SMYD3: variants seen among roughly 807,000 people sequenced by gnomAD.
SMYD3 encodes the protein histone-lysine N-methyltransferase SMYD3.
Under a neutral mutation model 57.7 loss-of-function variants are expected in SMYD3, and 36 were observed. The ratio of observed to expected loss-of-function variants is 0.62; its 90% confidence interval spans 0.48 to 0.82. The LOEUF (loss-of-function observed/expected upper bound fraction) is 0.82, where lower values mean the gene tolerates loss of function less well. SMYD3 is among the 40% of genes least tolerant of loss of function. The probability of loss-of-function intolerance (pLI) is 0.00; values close to 1 mark genes in which losing one functional copy is unlikely to be tolerated. For missense variants in SMYD3, 515 were observed against 538.8 expected (o/e 0.96, Z 0.44); for synonymous variants, 211 against 195.0 (o/e 1.08, Z -0.68).
intron 5 of SMYD3, chr1:245,947,505 T>C: frequency 6.7e-6 from 3 of 446,746 alleles, no homozygotes; most frequent in East Asian, 7.1e-5. Flanking sequence ...AGTTGCTTTA[T>C]GTGGGGTAAA....
At chr1:246,095,100 C>T (rs545778673) in intron 5 of SMYD3, among the ~76,000 whole-genome samples, 4 of 152,286 alleles carry the variant, frequency 2.6e-5, no homozygotes, top group South Asian at 2.1e-4. Flanking sequence ...TCCAAAGCCC[C>T]GTGCACATAT....
At chr1:246,145,333 C>G (rs758715186) in intron 5 of SMYD3, among the ~76,000 whole-genome samples, 1 of 152,092 alleles carries the variant, frequency 6.6e-6, no homozygotes, top group South Asian at 2.1e-4. Flanking sequence ...GTGTCAGCAG[C>G]GAATAGCTCA....
At chr1:246,167,823 T>C (rs887516487) in intron 5 of SMYD3, among the ~76,000 whole-genome samples, 7 of 152,236 alleles carry the variant, frequency 4.6e-5, no homozygotes, top group African/African-American at 1.7e-4. Flanking sequence ...ATTGTGGTTT[T>C]GATTTGCATT....
At chr1:246,186,601 TTTC>T (rs1330125057) in intron 5 of SMYD3, 1 of 259,948 alleles carries the variant, frequency 3.8e-6, no homozygotes. Context: ...AATTGCTAAC[TTTC>T]TGAAAGCCCT....
chr1:245,836,550 G>A (rs1277265163), intron 10 of SMYD3, among the ~76,000 whole-genome samples: 1 of 152,158 alleles, frequency 6.6e-6, no homozygotes, highest in Non-Finnish European at 1.5e-5. Context: ...TGTTCCATCC[G>A]CTGCTGGGCA....
At chr1:246,339,691 T>C (rs1558410754) in intron 2 of SMYD3, among the ~76,000 whole-genome samples, 1 of 152,184 alleles carries the variant, frequency 6.6e-6, no homozygotes, top group Non-Finnish European at 1.5e-5. Flanking sequence ...ACCTCAAAGT[T>C]CATGTGCTGG....
Position 246,219,324 on chromosome 1 carries a change from G to A in SMYD3, c.531+107877C>T, listed in dbSNP as rs1318754182. Among the ~76,000 whole-genome samples, 3 of 152,228 alleles carry A rather than the reference G, an allele frequency of 2.0e-5. No homozygotes were observed. The East Asian group carries it at 5.8e-4, about 29-fold the overall frequency. Reference sequence around the variant, plus strand: ...CATCAAAGACTGCAGCTGGATGTCGGAGAGAAGCAGCTTGACTTCAGAGGG... The same window carrying A: ...CATCAAAGACTGCAGCTGGATGTCGAAGAGAAGCAGCTTGACTTCAGAGGG... On this transcript the variant is annotated intron_variant, in intron 5 of 11. Coordinates refer to ENST00000490107, the MANE Select transcript of SMYD3 (RefSeq NM_001167740.2).
intron 5 of SMYD3, among the ~76,000 whole-genome samples, chr1:246,266,781 C>T (rs951214951): frequency 1.4e-5 from 2 of 147,054 alleles, no homozygotes; most frequent in Non-Finnish European, 3.0e-5. Context: ...GAAAGAAAGA[C>T]AGAAAGAAAG....
At chr1:245,991,594 A>G (rs1268405898) in intron 5 of SMYD3, among the ~76,000 whole-genome samples, 4 of 152,024 alleles carry the variant, frequency 2.6e-5, no homozygotes, top group Admixed American at 2.0e-4. Flanking sequence ...TTGCTGGGGA[A>G]CCTCAGTCAC....
chr1:246,297,492 T>TA (rs1241908240), intron 5 of SMYD3, among the ~76,000 whole-genome samples: 4 of 152,132 alleles, frequency 2.6e-5, no homozygotes, highest in African/African-American at 9.7e-5. Context: ...TCTTATATTC[T>TA]AAGATCAAGA....
chr1:246,465,562 G>A (rs777303608), intron 1 of SMYD3, among the ~76,000 whole-genome samples: 30 of 152,118 alleles, frequency 2.0e-4, no homozygotes, highest in Non-Finnish European at 4.0e-4. Flanking sequence ...GGCGGGGCAC[G>A]GTGGCTCATG....
At chr1:246,055,410 C>T (rs1013845931) in intron 5 of SMYD3, among the ~76,000 whole-genome samples, 3 of 151,870 alleles carry the variant, frequency 2.0e-5, no homozygotes, top group East Asian at 3.9e-4. Context: ...CCAGCCTAGG[C>T]AACATAGCAA....
intron 5 of SMYD3, among the ~76,000 whole-genome samples, chr1:246,175,452 A>G (rs1572157732): frequency 6.6e-6 from 1 of 152,242 alleles, no homozygotes; most frequent in East Asian, 1.9e-4. Flanking sequence ...TTTCCTATGC[A>G]TAACCTTTAC....
chr1:245,805,482 C>G (rs764607735), intron 10 of SMYD3, among the ~76,000 whole-genome samples: 23 of 152,206 alleles, frequency 1.5e-4, no homozygotes, highest in Non-Finnish European at 2.2e-4. Flanking sequence ...GCTGGTTAAA[C>G]ATTTGCTGAT....
chr1:246,169,474 C>T lies in SMYD3; in HGVS notation c.531+157727G>A, dbSNP rs989040234. Among the ~76,000 whole-genome samples the T allele has an allele frequency of 4.2e-4, 63 of 148,968 alleles. 1 individual carries two copies. Among genetic ancestry groups the T allele is most frequent in the African/African-American group, 1.4e-3 (58 of 40,498 alleles). On this transcript the variant is annotated intron_variant, in intron 5 of 11. Transcript: ENST00000490107. ...CTATCTAAGAAACAAAATAATGTTC[C>T]TGGAGTAGCAAACAGAAGTCCTGTT... is the stretch of plus-strand genomic sequence containing the variant.
At chr1:245,994,419 C>A (rs2058881769) in intron 5 of SMYD3, among the ~76,000 whole-genome samples, 1 of 152,164 alleles carries the variant, frequency 6.6e-6, no homozygotes, top group Non-Finnish European at 1.5e-5. Flanking sequence ...GAGGCCCTGG[C>A]CATCGGGTTA....
At chr1:246,249,958 A>C (rs2063775596) in intron 5 of SMYD3, among the ~76,000 whole-genome samples, 1 of 152,212 alleles carries the variant, frequency 6.6e-6, no homozygotes, top group Non-Finnish European at 1.5e-5. Context: ...GCTTACTTTC[A>C]AATTAAGTCA....
intron 5 of SMYD3, among the ~76,000 whole-genome samples, chr1:245,968,257 G>A (rs1009964059): frequency 8.7e-5 from 12 of 138,278 alleles, no homozygotes; most frequent in Admixed American, 2.4e-4. Flanking sequence ...AGGCTCTCAC[G>A]TCCTTCTCAT....
At chr1:245,892,212 T>C (rs2053431473) in intron 8 of SMYD3, among the ~76,000 whole-genome samples, 1 of 152,186 alleles carries the variant, frequency 6.6e-6, no homozygotes. Context: ...TCAGAGACTC[T>C]GATCAGCAAA....
Sources: allele counts gnomAD v4.1 joint callset (sites outside exome capture counted in the v4.1 genomes callset), GRCh38; gene constraint gnomAD v4.1.1; transcripts MANE v1.5; gene names NCBI Gene and HGNC (gene_info 2026-07-23, HGNC 2026-07-21).